ZFHX3: variants seen among roughly 807,000 people sequenced by gnomAD.
ZFHX3 encodes zinc finger homeobox protein 3.
In ZFHX3, 42 loss-of-function variants were observed where a neutral mutation model predicts 279.1. The observed-to-expected ratio is 0.15, with a 90% confidence interval of 0.12 to 0.19. ZFHX3 has a LOEUF of 0.19. ZFHX3 is among the 10% of genes least tolerant of loss of function. The pLI is 1.00. For missense variants in ZFHX3, 4,981 were observed against 4,754.0 expected (o/e 1.05, Z -1.40); for synonymous variants, 2,293 against 1,957.8 (o/e 1.17, Z -4.52).
intron 5 of ZFHX3, among the ~76,000 whole-genome samples, chr16:73,207,121 G>A (rs975321806): frequency 1.3e-5 from 2 of 152,052 alleles, no homozygotes; most frequent in African/African-American, 2.4e-5. Context: ...CAAGGGAATT[G>A]ACTCAGTCCC....
At chr16:73,534,203 T>A (rs572161702) in intron 2 of ZFHX3, among the ~76,000 whole-genome samples, 1 of 152,286 alleles carries the variant, frequency 6.6e-6, no homozygotes, top group East Asian at 1.9e-4. Flanking sequence ...TTCTTCAATG[T>A]TTCTTTAACA....
At chr16:73,380,171 G>T (rs2016795946) in intron 3 of ZFHX3, among the ~76,000 whole-genome samples, 2 of 152,082 alleles carry the variant, frequency 1.3e-5, no homozygotes, top group Admixed American at 1.3e-4. Flanking sequence ...AAGCACAGCT[G>T]ATAAAGGACA....
At chr16:73,198,179 C>T (rs1384761653) in intron 5 of ZFHX3, among the ~76,000 whole-genome samples, 2 of 151,554 alleles carry the variant, frequency 1.3e-5, no homozygotes, top group African/African-American at 2.4e-5. Flanking sequence ...CCTAGTGATC[C>T]GCCCGCCTCA....
rs149749837 is a variant in ZFHX3 at position 73,795,313 on chromosome 16, C to T, written c.-1608+96338G>A. Among the ~76,000 whole-genome samples, 21 of 152,278 alleles carry T rather than the reference C, an allele frequency of 1.4e-4. No homozygotes were observed. In the East Asian group the frequency reaches 4.1e-3, roughly 29 times the overall value. ...TTGAATAGAGCAGATTCATTCTCTT[C>T]GTTTTGAGGACCCCTCTTGCTCAGG... On this transcript the variant is annotated intron_variant, in intron 1 of 17. Coordinates refer to the ZFHX3 transcript ENST00000641206.
intron 3 of ZFHX3, among the ~76,000 whole-genome samples, chr16:72,922,968 C>T (rs1444931150): frequency 6.6e-6 from 1 of 152,098 alleles, no homozygotes; most frequent in African/African-American, 2.4e-5. Context: ...GCTAGAAGGA[C>T]TCGACGAAAT....
At chr16:73,393,189 T>C (rs1401898219) in intron 3 of ZFHX3, among the ~76,000 whole-genome samples, 1 of 152,178 alleles carries the variant, frequency 6.6e-6, no homozygotes, top group Non-Finnish European at 1.5e-5. Context: ...GCTCAAGCAA[T>C]CCTTCCATCT....
chr16:73,368,190 T>C (rs777409900), intron 3 of ZFHX3, among the ~76,000 whole-genome samples: 19 of 152,234 alleles, frequency 1.2e-4, no homozygotes, highest in African/African-American at 4.6e-4. Context: ...GTCGTAACAC[T>C]ACATCCCCTT....
chr16:73,742,179 C>T (rs1333873611), intron 1 of ZFHX3, among the ~76,000 whole-genome samples: 1 of 152,200 alleles, frequency 6.6e-6, no homozygotes, highest in Non-Finnish European at 1.5e-5. Flanking sequence ...ACCATCTTTA[C>T]ACTGAAGTTA....
chr16:73,427,742 C>A (rs377335271), intron 3 of ZFHX3, among the ~76,000 whole-genome samples: 1 of 151,698 alleles, frequency 6.6e-6, no homozygotes, highest in Non-Finnish European at 1.5e-5. Context: ...AAGACCAGCC[C>A]GGCCAATATG....
chr16:73,172,323 C>T (rs946426541), intron 5 of ZFHX3, among the ~76,000 whole-genome samples: 10 of 152,236 alleles, frequency 6.6e-5, no homozygotes, highest in Non-Finnish European at 1.5e-4. Context: ...CTCCTGCCCG[C>T]CAGGCGCTTC....
chr16:73,582,494 G>C (rs143399707), intron 2 of ZFHX3, among the ~76,000 whole-genome samples: 1,782 of 151,898 alleles, frequency 0.012, 76 homozygotes, highest in African/African-American at 0.041. Flanking sequence ...TTATTTTTGA[G>C]ATGGAGTTTC....
intron 2 of ZFHX3, among the ~76,000 whole-genome samples, chr16:73,519,869 A>G (rs1482151848): frequency 6.6e-6 from 1 of 152,216 alleles, no homozygotes; most frequent in Non-Finnish European, 1.5e-5. Context: ...ACTAGGAATT[A>G]AGGTCGTTTC....
At chr16:73,789,764 T>C (rs971733025) in intron 1 of ZFHX3, among the ~76,000 whole-genome samples, 28 of 152,038 alleles carry the variant, frequency 1.8e-4, no homozygotes, top group African/African-American at 6.0e-4. Flanking sequence ...AAAATTTCTC[T>C]CTCTCTCTTT....
intron 1 of ZFHX3, among the ~76,000 whole-genome samples, chr16:73,035,958 G>A (rs181123345): frequency 3.4e-4 from 52 of 152,306 alleles, no homozygotes; most frequent in African/African-American, 1.0e-3. Flanking sequence ...GACTACCCAC[G>A]AGGCTTGTCC....
intron 2 of ZFHX3, among the ~76,000 whole-genome samples, chr16:73,600,963 A>G (rs532282735): frequency 6.6e-6 from 1 of 152,232 alleles, no homozygotes; most frequent in African/African-American, 2.4e-5. Flanking sequence ...GTGGTCAGTA[A>G]ATATTTGAGG....
At chr16:73,276,146 G>A (rs1239250597) in intron 4 of ZFHX3, among the ~76,000 whole-genome samples, 1 of 151,492 alleles carries the variant, frequency 6.6e-6, no homozygotes, top group Non-Finnish European at 1.5e-5. Context: ...GGGCATTGGA[G>A]GGGCTGTATT....
intron 1 of ZFHX3, among the ~76,000 whole-genome samples, chr16:72,971,935 G>C (rs911338721): frequency 7.0e-6 from 1 of 143,590 alleles, no homozygotes; most frequent in Non-Finnish European, 1.5e-5. Flanking sequence ...GCCCAGGTTG[G>C]AGTACAATGG....
At position 72,784,361 on chromosome 16, in the gene ZFHX3, T is replaced by C. The variant is rs781078548; in HGVS notation, c.*2803A>G. The stretch of plus-strand genomic sequence containing the variant: ...GAGGGGGGAGGGAAAAGGATAGAAA[T>C]TGCACTATTACCAAGCAATATCATT... On this transcript the variant is annotated 3_prime_UTR_variant, in exon 10 of 10. Coordinates refer to ENST00000268489, the MANE Select transcript of ZFHX3 (RefSeq NM_006885.4). 1.3e-5 allele frequency: 2 copies of C among 152,228 alleles called. No individual in the cohort carries two copies. Among genetic ancestry groups the C allele is most frequent in the Non-Finnish European group, 2.9e-5 (2 of 67,978 alleles). The allele number at this position is 152,228 out of a possible 1,614,324, so 9.4% of individuals were successfully genotyped here. A position where few individuals can be genotyped will look rare whatever the true frequency, so the allele number is the denominator to read the frequency against.
chr16:73,806,602 G>C (rs192549650), intron 1 of ZFHX3, among the ~76,000 whole-genome samples: 1 of 152,150 alleles, frequency 6.6e-6, no homozygotes, highest in Non-Finnish European at 1.5e-5. Context: ...TGGTTGGTGG[G>C]GGGGGTCAAG....
Sources: allele counts gnomAD v4.1 joint callset (sites outside exome capture counted in the v4.1 genomes callset), GRCh38; gene constraint gnomAD v4.1.1; transcripts MANE v1.5; gene names NCBI Gene and HGNC (gene_info 2026-07-23, HGNC 2026-07-21).